SMAD9: variants seen among roughly 807,000 people sequenced by gnomAD.
SMAD9 encodes the protein MAD homolog 9.
In SMAD9, 36 loss-of-function variants were observed where a neutral mutation model predicts 46.1. That is an observed-to-expected ratio of 0.78 (90% confidence interval 0.60 to 1.03). The LOEUF (loss-of-function observed/expected upper bound fraction) is 1.03. Ranked by LOEUF, SMAD9 falls within the 50% of genes least tolerant of loss-of-function variation. The pLI is 0.00. For synonymous variants in SMAD9, 245 were observed against 237.1 expected, an observed-to-expected ratio of 1.03 and a Z score of -0.31; for missense variants, 572 against 599.8, an observed-to-expected ratio of 0.95 and a Z score of 0.48.
Position 36,879,940 on chromosome 13 carries a change from G to C in SMAD9, c.-186-65C>G, listed in dbSNP as rs1014012426. The C allele has an allele frequency of 2.2e-5, 10 of 463,312 alleles. No homozygotes were observed. In the East Asian group the frequency reaches 3.2e-4, roughly 15 times the overall value. 28.7% of individuals were successfully genotyped at this position (463,312 alleles called of 1,614,324 possible). On this transcript the variant is annotated intron_variant, in intron 1 of 6. Coordinates refer to ENST00000379826, the MANE Select transcript of SMAD9 (RefSeq NM_001127217.3). The stretch of plus-strand genomic sequence containing the variant: ...TAACATTCAGAAAAAGTTGAAGTTG[G>C]ATAGAAAGAGGCAATCTACACCTAC...
chr13:36,916,303 G>A (rs1424729411), intron 1 of SMAD9, among the ~76,000 whole-genome samples: 3 of 152,140 alleles, frequency 2.0e-5, no homozygotes, highest in Non-Finnish European at 4.4e-5. Context: ...TCTACTAAAT[G>A]GCTTCCATTG....
At chr13:36,861,487 T>TG (rs199553208) in intron 5 of SMAD9, among the ~76,000 whole-genome samples, 3,282 of 151,820 alleles carry the variant, frequency 0.022, 84 homozygotes, top group South Asian at 0.12. Flanking sequence ...GCTAATTTTT[T>TG]GTATTTTTAG....
At position 36,856,798 on chromosome 13, in the gene SMAD9, CTTT is replaced by C. The variant is rs34107763; in HGVS notation, c.1004-3126_1004-3124del. On this transcript the variant is annotated intron_variant, in intron 5 of 6. Coordinates refer to ENST00000379826, the MANE Select transcript of SMAD9 (RefSeq NM_001127217.3). ...CCAGGGTGAGGCCGGGTGACCTGCA[CTTT>C]TTTTTTTTTTTTTTTTTGAGATGGA... 4.7e-3 allele frequency among the ~76,000 whole-genome samples: 586 copies of C among 123,394 alleles called. 5 individuals are homozygous for C. The highest frequency in any genetic ancestry group is 0.018 in the African/African-American group (550 of 30,340). The allele number at this position is 123,394 out of a possible 152,430, so 81.0% of individuals were successfully genotyped here.
intron 2 of SMAD9, among the ~76,000 whole-genome samples, chr13:36,878,194 A>T (rs982855270): frequency 6.6e-6 from 1 of 151,788 alleles, no homozygotes. Flanking sequence ...ACACACACAC[A>T]GGGGTGTGAA....
rs1252813703 is a variant in SMAD9 at position 36,847,544 on chromosome 13, AATTT to A, written c.*1128_*1131del. 5 of 152,304 alleles carry A rather than the reference AATTT, an allele frequency of 3.3e-5. No homozygotes were observed. In the East Asian group the frequency reaches 9.6e-4, roughly 29 times the overall value. 9.4% of individuals were successfully genotyped at this position (152,304 alleles called of 1,614,324 possible). Reference sequence around the variant, plus strand: ...TGAAATTATTATCACTTTCCTTGGGAATTTATTTCCAGGTTAGATAATCACTAGA... The same window carrying A: ...TGAAATTATTATCACTTTCCTTGGGAATTTCCAGGTTAGATAATCACTAGA... On this transcript the variant is annotated 3_prime_UTR_variant, in exon 7 of 7. Transcript: ENST00000379826.
At chr13:36,855,947 G>A (rs1016436174) in intron 5 of SMAD9, among the ~76,000 whole-genome samples, 12 of 152,170 alleles carry the variant, frequency 7.9e-5, no homozygotes, top group African/African-American at 1.9e-4. Flanking sequence ...CCCCTTCTCC[G>A]CTTCCCTCAG....
chr13:36,914,335 T>C (rs1207973643), intron 1 of SMAD9, among the ~76,000 whole-genome samples: 3 of 152,076 alleles, frequency 2.0e-5, no homozygotes, highest in Non-Finnish European at 4.4e-5. Context: ...CTGGCTAACA[T>C]GGTGAAACCC....
chr13:36,882,095 G>A (rs1268730668), intron 1 of SMAD9, among the ~76,000 whole-genome samples: 1 of 152,076 alleles, frequency 6.6e-6, no homozygotes. Context: ...AATGGCATGT[G>A]AAATCAATGA....
At chr13:36,858,102 T>C (rs2058144182) in intron 5 of SMAD9, among the ~76,000 whole-genome samples, 1 of 152,180 alleles carries the variant, frequency 6.6e-6, no homozygotes, top group African/African-American at 2.4e-5. Context: ...GCACAGAATG[T>C]GAATCTTTAT....
At position 36,859,867 on chromosome 13, in the gene SMAD9, G is replaced by A. The variant is rs539117319; in HGVS notation, c.1003+5670C>T. On this transcript the variant is annotated intron_variant, in intron 5 of 6. Transcript: ENST00000379826. ...CTCAGCTACTCAGGAGGCTGAGGCA[G>A]GAGAATCGCTTGAACCCGGGAGGCA... 1.2e-3 allele frequency among the ~76,000 whole-genome samples: 175 copies of A among 152,110 alleles called. 1 individual carries two copies. The highest frequency in any genetic ancestry group is 4.1e-3 in the African/African-American group (171 of 41,470).
chr13:36,849,592 C>G (rs868471728), intron 6 of SMAD9: 40 of 151,346 alleles, frequency 2.6e-4, no homozygotes, highest in African/African-American at 9.7e-4. Flanking sequence ...CCCCCCAGTC[C>G]CTTCTCTCAT....
At chr13:36,909,650 G>A (rs2058644773) in intron 1 of SMAD9, among the ~76,000 whole-genome samples, 1 of 152,166 alleles carries the variant, frequency 6.6e-6, no homozygotes, top group African/African-American at 2.4e-5. Flanking sequence ...CAAGAATGGA[G>A]GAAGAAGACT....
intron 5 of SMAD9, among the ~76,000 whole-genome samples, chr13:36,861,113 G>C (rs1454260074): frequency 2.0e-5 from 3 of 152,108 alleles, no homozygotes; most frequent in Non-Finnish European, 4.4e-5. Context: ...GATGGTAAGT[G>C]GGGTAAATGA....
intron 1 of SMAD9, among the ~76,000 whole-genome samples, chr13:36,888,013 C>T (rs1027894133): frequency 6.6e-6 from 1 of 152,118 alleles, no homozygotes; most frequent in African/African-American, 2.4e-5. Context: ...GGCCCGTCTG[C>T]CAGAAGGGCT....
At chr13:36,895,201 T>G (rs970562788) in intron 1 of SMAD9, among the ~76,000 whole-genome samples, 1 of 152,190 alleles carries the variant, frequency 6.6e-6, no homozygotes, top group Non-Finnish European at 1.5e-5. Flanking sequence ...TATACCCATA[T>G]GTACCAATGA....
At chr13:36,886,308 G>A (rs369468506) in intron 1 of SMAD9, among the ~76,000 whole-genome samples, 11 of 152,348 alleles carry the variant, frequency 7.2e-5, no homozygotes, top group African/African-American at 2.4e-4. Flanking sequence ...CTGACAAGGC[G>A]AGACGGACAG....
At position 36,848,808 on chromosome 13, in the gene SMAD9, A is replaced by G. The variant is rs764566802; in HGVS notation, c.1272T>C (p.Ala424=). ...TGGTGACATCCTGGCGATGATACTC[A>G]GCACCCCAACCCTGAAAAACAAGAA... ...IRMSFVKGWG[A]EYHRQDVTST... Residue 424 remains alanine, a synonymous_variant, in exon 7 of 7, where the codon GCT becomes GCC. Coordinates refer to ENST00000379826, the MANE Select transcript of SMAD9 (RefSeq NM_001127217.3). The G allele has an allele frequency of 6.2e-7, 1 of 1,614,014 alleles. No homozygotes were observed. The highest frequency in any genetic ancestry group is 8.5e-7 in the Non-Finnish European group (1 of 1,180,006).
At chr13:36,915,645 T>C (rs1430983464) in intron 1 of SMAD9, among the ~76,000 whole-genome samples, 1 of 152,174 alleles carries the variant, frequency 6.6e-6, no homozygotes, top group East Asian at 1.9e-4. Flanking sequence ...TAGGTCTCCT[T>C]TACAATTATT....
intron 5 of SMAD9, among the ~76,000 whole-genome samples, chr13:36,857,795 A>G (rs2058141077): frequency 6.6e-6 from 1 of 152,144 alleles, no homozygotes; most frequent in African/African-American, 2.4e-5. Flanking sequence ...AGTGTCCTGC[A>G]CAGAAGATGC....
Sources: gnomAD v4.1 joint callset for allele counts (sites outside exome capture counted in the v4.1 genomes callset) on GRCh38, gnomAD v4.1.1 for gene constraint, MANE v1.5 for transcripts, NCBI Gene and HGNC (gene_info 2026-07-23, HGNC 2026-07-21) for gene names.